NBAS: variants seen among roughly 807,000 people sequenced by gnomAD.
The protein encoded by NBAS is NBAS subunit of NRZ tethering complex.
In NBAS, 219 loss-of-function variants were observed where a neutral mutation model predicts 302.5. That is an observed-to-expected ratio of 0.72 (90% CI 0.65 to 0.81). The LOEUF (loss-of-function observed/expected upper bound fraction) is 0.81. Among genes scored for constraint, NBAS ranks in the 30% least tolerant of loss-of-function variants. The probability of loss-of-function intolerance (pLI) is 0.00; values close to 1 mark genes in which losing one functional copy is unlikely to be tolerated. For synonymous variants in NBAS, 1,118 were observed against 1,021.6 expected (o/e 1.09, Z -1.80); for missense variants, 2,932 against 2,841.6 (o/e 1.03, Z -0.72).
intron 11 of NBAS, among the ~76,000 whole-genome samples, chr2:15,502,301 G>T (rs1661606627): frequency 6.6e-6 from 1 of 152,208 alleles, no homozygotes; most frequent in Admixed American, 6.5e-5. Flanking sequence ...ATGATAATAA[G>T]AAATTATTAG....
At chr2:15,215,480 G>C (rs888126343) in intron 48 of NBAS, among the ~76,000 whole-genome samples, 2 of 152,182 alleles carry the variant, frequency 1.3e-5, no homozygotes, top group African/African-American at 4.8e-5. Context: ...CACAGTGAAA[G>C]TAGCAGTCAC....
chr2:15,095,504 C>A, the NBAS span, among the ~76,000 whole-genome samples: 1 of 152,194 alleles, frequency 6.6e-6, no homozygotes, highest in African/African-American at 2.4e-5. Context: ...TTATCTCCCA[C>A]CAGTTCCCTC....
intron 50 of NBAS, among the ~76,000 whole-genome samples, chr2:15,183,883 T>C (rs542236097): frequency 1.1e-4 from 16 of 152,262 alleles, no homozygotes; most frequent in African/African-American, 3.9e-4. Context: ...CACTTAGCAA[T>C]CACTGACCAG....
intron 42 of NBAS, among the ~76,000 whole-genome samples, chr2:15,278,581 T>C (rs1286311516): frequency 6.6e-6 from 1 of 152,040 alleles, no homozygotes; most frequent in Non-Finnish European, 1.5e-5. Context: ...GAACGCCAAA[T>C]AGATGAGTGG....
chr2:15,535,201 C>G (rs1489023213), intron 8 of NBAS, among the ~76,000 whole-genome samples: 1 of 152,168 alleles, frequency 6.6e-6, no homozygotes, highest in Non-Finnish European at 1.5e-5. Context: ...ATAACAAAAT[C>G]TGTAAGTGTT....
chr2:14,784,917 C>T, the NBAS span, among the ~76,000 whole-genome samples: 63 of 152,302 alleles, frequency 4.1e-4, no homozygotes, highest in Non-Finnish European at 7.5e-4. Context: ...GGCAGTAAGG[C>T]AATTTTCACG....
the NBAS span, among the ~76,000 whole-genome samples, chr2:14,930,255 G>A: frequency 4.6e-5 from 7 of 152,190 alleles, no homozygotes; most frequent in African/African-American, 1.2e-4. Context: ...CACACAAAGT[G>A]AGGAATGAGG....
At chr2:15,012,903 C>G in the NBAS span, among the ~76,000 whole-genome samples, 36 of 152,000 alleles carry the variant, frequency 2.4e-4, no homozygotes, top group African/African-American at 8.2e-4. Context: ...TGTCACCCAG[C>G]CTGGATTACA....
chr2:14,848,143 T>C, the NBAS span, among the ~76,000 whole-genome samples: 3 of 151,884 alleles, frequency 2.0e-5, no homozygotes, highest in African/African-American at 7.3e-5. Context: ...AGACGGGTGA[T>C]TTCTGCATTT....
intron 23 of NBAS, among the ~76,000 whole-genome samples, chr2:15,422,548 T>C (rs1677262129): frequency 6.8e-6 from 1 of 146,284 alleles, no homozygotes. Context: ...TAGTTGATTG[T>C]AAAAAAAAAA....
At chr2:14,869,899 A>T in the NBAS span, among the ~76,000 whole-genome samples, 1 of 152,108 alleles carries the variant, frequency 6.6e-6, no homozygotes, top group African/African-American at 2.4e-5. Flanking sequence ...TTCCTTCCCT[A>T]TGGGACTTTC....
the NBAS span, among the ~76,000 whole-genome samples, chr2:15,024,536 T>C: frequency 6.6e-6 from 1 of 152,188 alleles, no homozygotes; most frequent in Non-Finnish European, 1.5e-5. Context: ...CTTTGAGGAA[T>C]GGCCACATTG....
At chr2:14,825,106 G>T in the NBAS span, among the ~76,000 whole-genome samples, 1 of 152,258 alleles carries the variant, frequency 6.6e-6, no homozygotes, top group East Asian at 1.9e-4. Context: ...GGTGCTTGTC[G>T]GGGTGTGGCA....
rs960711413 is a variant in NBAS at position 15,166,936 on chromosome 2, T to C, written c.*112A>G. On this transcript the variant is annotated 3_prime_UTR_variant, in exon 52 of 52. Coordinates refer to ENST00000281513, the MANE Select transcript of NBAS (RefSeq NM_015909.4). The stretch of plus-strand genomic sequence containing the variant: ...GCTCATCGTTTCCATACAGTTTTAT[T>C]TGCAATTTGTTGGAACCATGGAGAA... The C allele has an allele frequency of 7.3e-6, 10 of 1,364,272 alleles. No homozygotes were observed. The highest frequency in any genetic ancestry group is 5.8e-5 in the African/African-American group (4 of 69,108). The allele number at this position is 1,364,272 out of a possible 1,614,324, so 84.5% of individuals were successfully genotyped here. A position where few individuals can be genotyped will look rare whatever the true frequency, so the allele number is the denominator to read the frequency against.
rs538596444 is a variant in NBAS, at chr2:15,300,217, G to A, written c.4798-7451C>T. Among the ~76,000 whole-genome samples, 100 of 152,314 alleles carry A rather than the reference G, an allele frequency of 6.6e-4. 2 individuals are homozygous for A. The highest frequency in any genetic ancestry group is 2.3e-3 in the African/African-American group (94 of 41,556). On this transcript the variant is annotated intron_variant, in intron 40 of 51. Transcript: ENST00000281513. ...CTACCTAAGTTAGCATTCCTGCAGCGCATATCCAGGAGGTGGAAAGAGAAA... is the reference window on the plus strand; with the variant it reads ...CTACCTAAGTTAGCATTCCTGCAGCACATATCCAGGAGGTGGAAAGAGAAA...
At chr2:15,514,552 CACT>C (rs1326289767) in intron 9 of NBAS, among the ~76,000 whole-genome samples, 1 of 151,950 alleles carries the variant, frequency 6.6e-6, no homozygotes, top group Admixed American at 6.6e-5. Flanking sequence ...ATAACAATAT[CACT>C]ACTTAAGAAT....
At chr2:14,889,221 C>G in the NBAS span, among the ~76,000 whole-genome samples, 2 of 152,314 alleles carry the variant, frequency 1.3e-5, no homozygotes, top group East Asian at 3.9e-4. Context: ...TGGTTAAGAA[C>G]AGCAGCATCC....
At chr2:14,830,020 G>C in the NBAS span, among the ~76,000 whole-genome samples, 2 of 152,174 alleles carry the variant, frequency 1.3e-5, no homozygotes, top group Admixed American at 6.5e-5. Context: ...GGCTGGTCCA[G>C]TTTCACTTGG....
the NBAS span, among the ~76,000 whole-genome samples, chr2:14,915,380 G>A: frequency 1.3e-5 from 2 of 152,130 alleles, no homozygotes; most frequent in African/African-American, 4.8e-5. Context: ...TATGAGCTGC[G>A]TGACCTGGCA....
Sources: allele counts gnomAD v4.1 joint callset (sites outside exome capture counted in the v4.1 genomes callset), GRCh38; gene constraint gnomAD v4.1.1; transcripts MANE v1.5; gene names NCBI Gene and HGNC (gene_info 2026-07-23, HGNC 2026-07-21).